Variants in DIP2C observed in about 807,000 individuals in gnomAD.
DIP2C encodes DIP2 acetate--CoA ligase C (putative).
In DIP2C, 33 loss-of-function variants were observed where a neutral mutation model predicts 192.4. The observed-to-expected ratio is 0.17, with a 90% CI of 0.13 to 0.23. The LOEUF (loss-of-function observed/expected upper bound fraction) is 0.23, where lower values mean the gene tolerates loss of function less well. DIP2C is among the 10% of genes least tolerant of loss of function. The pLI is 1.00. For missense variants in DIP2C, 1,537 were observed against 2,110.1 expected (o/e 0.73, Z 5.32); for synonymous variants, 979 against 864.1 (o/e 1.13, Z -2.33).
In DIP2C at chr10:504,487, C is replaced by T. The variant is rs143553333; in HGVS notation, c.86-17957G>A. Among the ~76,000 whole-genome samples the T allele has an allele frequency of 5.0e-3, 761 of 152,278 alleles. 9 individuals carry two copies. The highest frequency in any genetic ancestry group is 7.1e-3 in the Admixed American group (109 of 15,290). On this transcript the variant is annotated intron_variant, in intron 1 of 36. Coordinates refer to ENST00000280886, the MANE Select transcript of DIP2C (RefSeq NM_014974.3). Reference sequence around the variant, plus strand: ...GATCCCTAGCACAGCCACCTTAGGCCGGGAGAGCGAGGATGGGACTCAGAA... The same window carrying T: ...GATCCCTAGCACAGCCACCTTAGGCTGGGAGAGCGAGGATGGGACTCAGAA...
intron 22 of DIP2C, among the ~76,000 whole-genome samples, chr10:359,685 G>A (rs1959216911): frequency 6.6e-6 from 1 of 152,128 alleles, no homozygotes; most frequent in Admixed American, 6.5e-5. Flanking sequence ...AAACACCTGG[G>A]AGCCCCTGCA....
intron 24 of DIP2C, among the ~76,000 whole-genome samples, chr10:351,125 G>A (rs909720789): frequency 1.3e-5 from 2 of 152,224 alleles, no homozygotes; most frequent in African/African-American, 2.4e-5. Flanking sequence ...GAGTGAAGGC[G>A]CAGGGAGAGA....
At chr10:425,888 G>C (rs749295854) in intron 4 of DIP2C, among the ~76,000 whole-genome samples, 3 of 152,210 alleles carry the variant, frequency 2.0e-5, no homozygotes, top group Non-Finnish European at 4.4e-5. Context: ...GCACATTCAT[G>C]AAAAGCCATG....
intron 1 of DIP2C, among the ~76,000 whole-genome samples, chr10:585,904 A>C (rs1850994833): frequency 6.6e-6 from 1 of 152,214 alleles, no homozygotes; most frequent in African/African-American, 2.4e-5. Context: ...TAGAGGGTTA[A>C]GGGGGGTTAT....
At chr10:580,277 T>C (rs1319569667) in intron 1 of DIP2C, among the ~76,000 whole-genome samples, 3 of 152,138 alleles carry the variant, frequency 2.0e-5, no homozygotes, top group Non-Finnish European at 4.4e-5. Context: ...GTACATAGTG[T>C]ATGTACATAT....
At chr10:673,551 C>T (rs1187810082) in intron 1 of DIP2C, among the ~76,000 whole-genome samples, 3 of 152,194 alleles carry the variant, frequency 2.0e-5, no homozygotes, top group African/African-American at 4.8e-5. Context: ...CCCGCTCAGT[C>T]GCCGTGTGCT....
chr10:554,158 AAG>A (rs775100857), intron 1 of DIP2C, among the ~76,000 whole-genome samples: 10 of 152,164 alleles, frequency 6.6e-5, no homozygotes, highest in Non-Finnish European at 1.0e-4. Flanking sequence ...GCTTGTAACT[AAG>A]AGTGGTGAAC....
chr10:324,787 G>A (rs1050960292), intron 31 of DIP2C: 10 of 397,844 alleles, frequency 2.5e-5, no homozygotes, highest in African/African-American at 1.2e-4. Context: ...GTCAGGCCCC[G>A]CCCTGGTGCC....
chr10:349,685 T>C (rs1958697463), intron 24 of DIP2C, among the ~76,000 whole-genome samples: 1 of 152,200 alleles, frequency 6.6e-6, no homozygotes, highest in Non-Finnish European at 1.5e-5. Flanking sequence ...AGGTAAGCAG[T>C]GCAGACCAAA....
chr10:327,573 A>G (rs566248415), intron 30 of DIP2C, among the ~76,000 whole-genome samples: 1 of 152,254 alleles, frequency 6.6e-6, no homozygotes, highest in East Asian at 1.9e-4. Context: ...AAAAATCTAC[A>G]TGTAAAAGAG....
chr10:585,152 A>G (rs912705187), intron 1 of DIP2C, among the ~76,000 whole-genome samples: 2 of 152,188 alleles, frequency 1.3e-5, no homozygotes, highest in Non-Finnish European at 2.9e-5. Context: ...TTCCCTCAAC[A>G]CAAAACAAGC....
At position 277,105 on chromosome 10, in the gene DIP2C, T is replaced by C; in HGVS notation, c.*220A>G. ...TTTTCCAACAAACTGAAGGCAGTAA[T>C]CCAAAGTCCTTCTGAGCGAAATTCA... is the stretch of plus-strand genomic sequence containing the variant. On this transcript the variant is annotated 3_prime_UTR_variant, in exon 37 of 37. Transcript: ENST00000280886. The C allele has an allele frequency of 1.8e-6, 1 of 556,040 alleles. No individual in the cohort carries two copies. The highest frequency in any genetic ancestry group is 2.9e-6 in the Non-Finnish European group (1 of 340,500). 34.4% of individuals were successfully genotyped at this position (556,040 alleles called of 1,614,324 possible).
At chr10:335,488 GA>G (rs777681628) in intron 29 of DIP2C, among the ~76,000 whole-genome samples, 11 of 152,238 alleles carry the variant, frequency 7.2e-5, no homozygotes, top group Non-Finnish European at 1.6e-4. Flanking sequence ...CACACTGCAA[GA>G]AAGTGGTCGG....
chr10:544,047 G>A (rs1209071664), intron 1 of DIP2C, among the ~76,000 whole-genome samples: 4 of 152,332 alleles, frequency 2.6e-5, no homozygotes, highest in Non-Finnish European at 4.4e-5. Flanking sequence ...CATCTTTCAC[G>A]TTCAAGGTGA....
intron 1 of DIP2C, among the ~76,000 whole-genome samples, chr10:522,383 T>C (rs1197648230): frequency 6.6e-6 from 1 of 152,260 alleles, no homozygotes; most frequent in Non-Finnish European, 1.5e-5. Context: ...GCTGTCAACA[T>C]CTGTGTGCAG....
At chr10:599,652 C>G (rs561377886) in intron 1 of DIP2C, among the ~76,000 whole-genome samples, 1 of 152,318 alleles carries the variant, frequency 6.6e-6, no homozygotes, top group East Asian at 1.9e-4. Flanking sequence ...CCAGCACCCT[C>G]AGTGGACAGA....
intron 3 of DIP2C, among the ~76,000 whole-genome samples, chr10:462,030 G>A (rs1274971737): frequency 6.6e-6 from 1 of 152,174 alleles, no homozygotes; most frequent in Non-Finnish European, 1.5e-5. Flanking sequence ...AGATAAAGAG[G>A]TGTGTAGAGG....
intron 4 of DIP2C, among the ~76,000 whole-genome samples, chr10:427,952 T>A (rs1176353396): frequency 1.3e-5 from 2 of 152,168 alleles, no homozygotes; most frequent in East Asian, 3.8e-4. Context: ...CAAAGATATG[T>A]ACATAAACGT....
intron 1 of DIP2C, among the ~76,000 whole-genome samples, chr10:607,276 G>C (rs1219866219): frequency 6.6e-6 from 1 of 152,140 alleles, no homozygotes; most frequent in Non-Finnish European, 1.5e-5. Flanking sequence ...ACACAGGAAC[G>C]GTCCTCAGCT....
Sources: allele counts gnomAD v4.1 joint callset (sites outside exome capture counted in the v4.1 genomes callset), GRCh38; gene constraint gnomAD v4.1.1; transcripts MANE v1.5; gene names NCBI Gene and HGNC (gene_info 2026-07-23, HGNC 2026-07-21).